The following SV2C variants were observed in gnomAD, a reference collection of about 807,000 sequenced individuals.
SV2C encodes solute carrier family 22 member B3.
Under a neutral mutation model 79.7 loss-of-function variants are expected in SV2C, and 49 were observed. The observed-to-expected ratio is 0.61, with a 90% CI of 0.49 to 0.78. The LOEUF is 0.78. SV2C is among the 30% of genes least tolerant of loss of function. The probability of loss-of-function intolerance (pLI) is 0.00; values close to 1 mark genes in which losing one functional copy is unlikely to be tolerated. For synonymous variants in SV2C, 334 were observed against 333.2 expected, an observed-to-expected ratio of 1.00 and a Z score of -0.03; for missense variants, 833 against 912.9, an observed-to-expected ratio of 0.91 and a Z score of 1.13.
downstream of SV2C, among the ~76,000 whole-genome samples, chr5:76,337,700 G>A (rs1749354847): frequency 6.6e-6 from 1 of 152,154 alleles, no homozygotes; most frequent in African/African-American, 2.4e-5. Flanking sequence ...CAAGGGTCCT[G>A]CACTCATAAG....
chr5:76,301,870 C>G (rs1324925758), intron 12 of SV2C, among the ~76,000 whole-genome samples: 4 of 134,278 alleles, frequency 3.0e-5, no homozygotes, highest in East Asian at 2.4e-4. Context: ...GATCACACCA[C>G]TGCACTCCAG....
chr5:76,180,574 G>T (rs1743688857), intron 2 of SV2C, among the ~76,000 whole-genome samples: 1 of 152,140 alleles, frequency 6.6e-6, no homozygotes. Flanking sequence ...CCAGTGACAT[G>T]GTACCCTCTT....
chr5:76,156,080 G>T (rs1580313511), intron 2 of SV2C, among the ~76,000 whole-genome samples: 1 of 152,052 alleles, frequency 6.6e-6, no homozygotes, highest in African/African-American at 2.4e-5. Flanking sequence ...AGACAGCTGA[G>T]AGGAGCATTC....
the SV2C span, among the ~76,000 whole-genome samples, chr5:75,879,063 A>G: frequency 0.12 from 18,939 of 152,120 alleles, 1,390 homozygotes; most frequent in African/African-American, 0.22. Flanking sequence ...ACTCAGAACG[A>G]GTTCTGTCAT....
chr5:76,255,556 G>A (rs952491471), intron 4 of SV2C, among the ~76,000 whole-genome samples: 16 of 152,160 alleles, frequency 1.1e-4, no homozygotes, highest in Non-Finnish European at 2.2e-4. Context: ...TGGCCCCACT[G>A]TCCTAGCTTG....
At chr5:76,137,818 T>C (rs1474431700) in intron 2 of SV2C, among the ~76,000 whole-genome samples, 2 of 152,176 alleles carry the variant, frequency 1.3e-5, no homozygotes, top group East Asian at 1.9e-4. Flanking sequence ...AGAGCCCTCT[T>C]TGAAGCTGGA....
chr5:76,252,114 G>C (rs1746134035), intron 4 of SV2C, among the ~76,000 whole-genome samples: 1 of 152,114 alleles, frequency 6.6e-6, no homozygotes, highest in South Asian at 2.1e-4. Flanking sequence ...TATATGCAGT[G>C]ATGCTTTTTT....
chr5:75,998,762 A>G, the SV2C span, among the ~76,000 whole-genome samples: 4 of 152,096 alleles, frequency 2.6e-5, no homozygotes, highest in Non-Finnish European at 5.9e-5. Flanking sequence ...TTCAGTCTCC[A>G]TAATCACATG....
At chr5:76,168,088 C>T (rs1156264041) in intron 2 of SV2C, among the ~76,000 whole-genome samples, 1 of 152,114 alleles carries the variant, frequency 6.6e-6, no homozygotes, top group Non-Finnish European at 1.5e-5. Flanking sequence ...CACAAGTCTC[C>T]AATCACCCTC....
intron 6 of SV2C, among the ~76,000 whole-genome samples, chr5:76,289,577 A>G (rs1295017299): frequency 6.6e-6 from 1 of 152,240 alleles, no homozygotes; most frequent in Non-Finnish European, 1.5e-5. Context: ...GGTACATCTA[A>G]GAAACCATTA....
chr5:76,059,959 T>A, the SV2C span, among the ~76,000 whole-genome samples: 1 of 152,104 alleles, frequency 6.6e-6, no homozygotes, highest in Non-Finnish European at 1.5e-5. Flanking sequence ...CTTGTATATC[T>A]CCATCAGAGC....
chr5:76,026,437 G>T, the SV2C span, among the ~76,000 whole-genome samples: 2 of 152,076 alleles, frequency 1.3e-5, no homozygotes, highest in Non-Finnish European at 2.9e-5. Flanking sequence ...ATGTCTAATG[G>T]TTGATCCTTA....
chr5:76,205,151 G>A (rs1744573302), intron 3 of SV2C, among the ~76,000 whole-genome samples: 1 of 135,290 alleles, frequency 7.4e-6, no homozygotes. Flanking sequence ...TGTTGTGCGT[G>A]TGTGTGTGTG....
chr5:76,056,761 T>C, the SV2C span, among the ~76,000 whole-genome samples: 2 of 151,826 alleles, frequency 1.3e-5, no homozygotes, highest in South Asian at 4.2e-4. Flanking sequence ...CAGGAATTTA[T>C]CCATTTCTTC....
intron 1 of SV2C, among the ~76,000 whole-genome samples, chr5:76,104,043 A>G (rs79719466): frequency 3.3e-5 from 5 of 152,334 alleles, no homozygotes; most frequent in African/African-American, 9.6e-5. Context: ...TATGTAGTCT[A>G]TGGAAGGCCC....
the SV2C span, among the ~76,000 whole-genome samples, chr5:76,002,915 G>A: frequency 3.3e-5 from 5 of 151,678 alleles, no homozygotes; most frequent in African/African-American, 7.3e-5. Flanking sequence ...ATGTGTTATG[G>A]TTGGGCTGTG....
chr5:75,864,101 A>G, the SV2C span, among the ~76,000 whole-genome samples: 1 of 152,190 alleles, frequency 6.6e-6, no homozygotes, highest in South Asian at 2.1e-4. Flanking sequence ...ATGAGAAACA[A>G]CATAAAGGTT....
the SV2C span, among the ~76,000 whole-genome samples, chr5:75,938,107 G>A: frequency 7.9e-5 from 12 of 152,272 alleles, no homozygotes; most frequent in East Asian, 1.9e-4. Context: ...CATGATGCCC[G>A]TCTGTTATTT....
chr5:76,112,810 A>T (rs1013441554), intron 1 of SV2C, among the ~76,000 whole-genome samples: 3 of 152,236 alleles, frequency 2.0e-5, no homozygotes, highest in Non-Finnish European at 4.4e-5. Context: ...ATGTAATCAG[A>T]TGTCAATCAT....
Sources: gnomAD v4.1 joint callset for allele counts (sites outside exome capture counted in the v4.1 genomes callset) on GRCh38, gnomAD v4.1.1 for gene constraint, MANE v1.5 for transcripts, NCBI Gene and HGNC (gene_info 2026-07-23, HGNC 2026-07-21) for gene names.